Variants in CFAP157 observed in about 807,000 individuals in gnomAD.
The protein encoded by CFAP157 is cilia and flagella associated protein 157.
In CFAP157, 43 loss-of-function variants were observed where a neutral mutation model predicts 57.8. The ratio of observed to expected loss-of-function variants is 0.74; its 90% CI spans 0.58 to 0.96. The LOEUF is 0.96. Among genes scored for constraint, CFAP157 ranks in the 40% least tolerant of loss-of-function variants. The pLI is 0.00. For synonymous variants in CFAP157, 267 were observed against 269.0 expected (o/e 0.99, Z 0.07); for missense variants, 606 against 655.3 (o/e 0.92, Z 0.82).
intron 3 of CFAP157, 98 bp downstream of exon 3, chr9:127,710,852 G>A (rs1842750115): frequency 4.3e-6 from 6 of 1,400,824 alleles, no homozygotes; most frequent in Admixed American, 4.4e-5. Context: ...TGGGGGGTTA[G>A]ATGGGGAAAC....
At position 127,713,815 on chromosome 9, in the gene CFAP157, A is replaced by G. The variant is rs1842828226; in HGVS notation, c.1492-19A>G. 1 of 1,611,212 alleles carries G rather than the reference A, an allele frequency of 6.2e-7. No homozygotes were observed. Among genetic ancestry groups the G allele is most frequent in the Non-Finnish European group, 8.5e-7 (1 of 1,177,754 alleles). On this transcript the variant is annotated intron_variant, in intron 8 of 8. Transcript: ENST00000373295. ...AGCCACTGCACCCGGCCTCCAAGCC[A>G]GCATCTTTAATCTTACAGATGCGTG... is the stretch of plus-strand genomic sequence containing the variant.
intron 6 of CFAP157, 132 bp downstream of exon 6, chr9:127,712,481 CCTT>C: frequency 6.9e-7 from 1 of 1,458,654 alleles, no homozygotes; most frequent in Non-Finnish European, 9.2e-7. Flanking sequence ...GAAAGTCTGT[CCTT>C]CGCTGATTCT....
rs748671791 is a variant in CFAP157 at position 127,713,122 on chromosome 9, C to T, written c.1407C>T (p.Val469=). 4.3e-6 allele frequency: 7 copies of T among 1,612,396 alleles called. No homozygotes were observed. In the African/African-American group the frequency reaches 9.3e-5, roughly 22 times the overall value. ...PGDLGLVPRQ[V]HIPPNPQDLR... ...ATCTAGGCCTGGTACCTCGCCAGGT[C>T]CACATCCCACCCAACCCCCAGGACC... Residue 469 remains valine, a synonymous_variant, in exon 8 of 9, where the codon GTC becomes GTT. Coordinates refer to ENST00000373295, the MANE Select transcript of CFAP157 (RefSeq NM_001012502.3).
intron 8 of CFAP157, 36 bp downstream of exon 8, chr9:127,713,242 G>C (rs773954354): frequency 6.8e-7 from 1 of 1,470,886 alleles, no homozygotes; most frequent in Non-Finnish European, 9.1e-7. Context: ...AAGCAAGGTG[G>C]CAGCTAGTCC....
At position 127,706,989 on chromosome 9, in the gene CFAP157, C is replaced by T; in HGVS notation, c.-43C>T. ...ACGGGACCAGCTTCCTTAGCAACCA[C>T]CTGGCCTCTTCCTGGGGCCTGGAGC... On this transcript the variant is annotated 5_prime_UTR_variant, in exon 1 of 9. Coordinates refer to ENST00000373295, the MANE Select transcript of CFAP157 (RefSeq NM_001012502.3). 1.2e-6 allele frequency: 2 copies of T among 1,606,944 alleles called. No homozygotes were observed. The highest frequency in any genetic ancestry group is 8.5e-7 in the Non-Finnish European group (1 of 1,176,180).
rs1842801654 is a variant in CFAP157, at chr9:127,712,945, G to A, written c.1304+70G>A. 17 of 1,590,008 alleles carry A rather than the reference G, an allele frequency of 1.1e-5. 1 individual carries two copies. In the South Asian group the frequency reaches 1.7e-4, roughly 16 times the overall value. On this transcript the variant is annotated intron_variant, in intron 7 of 8. Coordinates refer to ENST00000373295, the MANE Select transcript of CFAP157 (RefSeq NM_001012502.3). ...CAGGGCAAAGGCATTCAGCCATGGG[G>A]ACAGTGCTCGGCTCACCCTGGGCCA...
rs2131596718 is a variant in CFAP157 at position 127,714,263 on chromosome 9, A to G, written c.*358A>G. 1 of 1,613,800 alleles carries G rather than the reference A, an allele frequency of 6.2e-7. No homozygotes were observed. Among genetic ancestry groups the G allele is most frequent in the South Asian group, 1.1e-5 (1 of 91,074 alleles). ...AGGGTGCGCCGGGCGCCCGATACCC[A>G]CCCGCAGCCTTGGCATTGCCTGTGG... On this transcript the variant is annotated 3_prime_UTR_variant, in exon 9 of 9. Coordinates refer to ENST00000373295, the MANE Select transcript of CFAP157 (RefSeq NM_001012502.3).
chr9:127,713,517 T>C, intron 8 of CFAP157: 1 of 285,808 alleles, frequency 3.5e-6, no homozygotes. Context: ...TTTTTTTTTT[T>C]TTTTTTTGAG....
In CFAP157 at chr9:127,713,860, G is replaced by A; in HGVS notation, c.1518G>A (p.Arg506=). 1 of 1,613,960 alleles carries A rather than the reference G, an allele frequency of 6.2e-7. No homozygotes were observed. Among genetic ancestry groups the A allele is most frequent in the Non-Finnish European group, 8.5e-7 (1 of 1,180,024 alleles). ...PEMRAPGSLK[R]LEKFSLPEVP... ...TGCGTGCCCCTGGTTCTCTAAAAAGGCTTGAAAAGTTTAGTCTTCCTGAAG... is the reference window on the plus strand; with the variant it reads ...TGCGTGCCCCTGGTTCTCTAAAAAGACTTGAAAAGTTTAGTCTTCCTGAAG... Residue 506 remains arginine, a synonymous_variant, in exon 9 of 9, where the codon AGG becomes AGA. Coordinates refer to ENST00000373295, the MANE Select transcript of CFAP157 (RefSeq NM_001012502.3).
rs1466731753 is a variant in CFAP157 at position 127,713,853 on chromosome 9, T to C, written c.1511T>C (p.Leu504Pro). 3 of 1,613,752 alleles carry C rather than the reference T, an allele frequency of 1.9e-6. No homozygotes were observed. The highest frequency in any genetic ancestry group is 2.2e-5 in the East Asian group (1 of 44,886). ...SSPEMRAPGS[L>P]KRLEKFSLPE... ...TTACAGATGCGTGCCCCTGGTTCTC[T>C]AAAAAGGCTTGAAAAGTTTAGTCTT... Residue 504 changes from leucine (L) to proline (P), a missense_variant, in exon 9 of 9, where the codon CTA becomes CCA. Coordinates refer to ENST00000373295, the MANE Select transcript of CFAP157 (RefSeq NM_001012502.3).
At position 127,709,690 on chromosome 9, in the gene CFAP157, C is replaced by T; in HGVS notation, c.430C>T (p.Leu144Phe). Residue 144 changes from leucine (L) to phenylalanine (F), a missense_variant, in exon 2 of 9, where the codon CTT (leucine) becomes TTT (phenylalanine). Leu to Phe is a conservative substitution (Grantham distance 22). Transcript: ENST00000373295. The surrounding 1 kb of genome is among the most constrained non-coding windows in gnomAD (Gnocchi z 4.7). ...CCAGCTCACCACGGAGAACATCATC[C>T]TTGGTGAGGAGGGGACTGGCTGGTG... ...KDQLTTENII[L>F]GGKLAALEEF... 2 of 1,612,572 alleles carry T rather than the reference C, an allele frequency of 1.2e-6. No individual in the cohort carries two copies. Among genetic ancestry groups the T allele is most frequent in the Non-Finnish European group, 1.7e-6 (2 of 1,179,264 alleles).
chr9:127,710,751 A>G lies in CFAP157; in HGVS notation c.584A>G (p.Asp195Gly). The stretch of plus-strand genomic sequence containing the variant: ...GAGAAGAAGTCGGTGCTGGACAAGG[A>G]CAGGTGGGCAAGCGGGGCACCCTTT... Reference protein sequence around the residue: ...NLEKKSVLDKDRLRKEIIQRV... With the variant: ...NLEKKSVLDKGRLRKEIIQRV... The change falls in exon 3 of 9, where the codon GAC (aspartate) becomes GGC (glycine). Residue 195 changes from aspartate to glycine, a missense_variant. By Grantham distance (94) the Asp-to-Gly change is moderately conservative. Transcript: ENST00000373295. The G allele has an allele frequency of 6.4e-7, 1 of 1,563,698 alleles. No homozygotes were observed. Among genetic ancestry groups the G allele is most frequent in the Non-Finnish European group, 8.7e-7 (1 of 1,153,144 alleles).
Position 127,714,958 on chromosome 9 carries a change from T to G in CFAP157, c.*1053T>G. On this transcript the variant is annotated 3_prime_UTR_variant, in exon 9 of 9. Coordinates refer to ENST00000373295, the MANE Select transcript of CFAP157 (RefSeq NM_001012502.3). ...CCCCCTTGGCCCGCCCGCCCACCCC[T>G]GGCGCTCTCAACTCACCAGCCCGGG... The G allele has an allele frequency of 1.3e-5, 1 of 74,964 alleles. No homozygotes were observed. The highest frequency in any genetic ancestry group is 2.4e-5 in the Non-Finnish European group (1 of 41,670). 4.6% of individuals were successfully genotyped at this position (74,964 alleles called of 1,614,324 possible).
chr9:127,712,011 G>A (rs1842777318), intron 5 of CFAP157, 61 bp downstream of exon 5: 2 of 1,554,082 alleles, frequency 1.3e-6, no homozygotes, highest in Non-Finnish European at 1.7e-6. Flanking sequence ...CTCTGGCCCA[G>A]CTCTTTCCGA....
At position 127,707,141 on chromosome 9, in the gene CFAP157, T is replaced by C; in HGVS notation, c.110T>C (p.Met37Thr). Residue 37 changes from methionine to threonine, a missense_variant, in exon 1 of 9, where the codon ATG becomes ACG. Physicochemically the swap from Met to Thr is moderately conservative, Grantham distance 81. Transcript: ENST00000373295. ...VAVEPPLAKE[M>T]KEFYHIQIRD... ...GTGGAGCCGCCTCTGGCCAAGGAGA[T>C]GAAGGAGTTCTACCACATCCAGATC... 6.2e-7 allele frequency: 1 copy of C among 1,613,616 alleles called. No homozygotes were observed. Among genetic ancestry groups the C allele is most frequent in the Non-Finnish European group, 8.5e-7 (1 of 1,179,970 alleles).
chr9:127,712,306 C>G lies in CFAP157; in HGVS notation c.1094C>G (p.Ala365Gly). The change falls in exon 6 of 9, where the codon GCG (alanine) becomes GGG (glycine). Residue 365 changes from alanine (A) to glycine (G), a missense_variant. Coordinates refer to ENST00000373295, the MANE Select transcript of CFAP157 (RefSeq NM_001012502.3). ...NEQKVRASLE[A>G]ALVQATSFLQ... is the part of the protein sequence containing the mutation. ...CAGAAGGTTCGGGCCAGCCTGGAGG[C>G]GGCTCTGGTCCAGGCCACCTCCTTC... The G allele has an allele frequency of 6.2e-7, 1 of 1,614,018 alleles. No individual in the cohort carries two copies. The highest frequency in any genetic ancestry group is 8.5e-7 in the Non-Finnish European group (1 of 1,179,988).
Position 127,711,340 on chromosome 9 carries a change from C to T in CFAP157, c.699C>T (p.Gly233=). Residue 233 remains glycine (G), a synonymous_variant, in exon 4 of 9, where the codon GGC becomes GGT. Coordinates refer to ENST00000373295, the MANE Select transcript of CFAP157 (RefSeq NM_001012502.3). ...TTKRAIKENN[G]ITLQMARVSQ... ...AGCGGGCCATCAAAGAGAACAACGG[C>T]ATTACCCTGCAGATGGCCAGGGTCT... 1 of 1,614,216 alleles carries T rather than the reference C, an allele frequency of 6.2e-7. No homozygotes were observed.
rs752521841 is a variant in CFAP157, at chr9:127,715,547, C to T, written c.*1642C>T. On this transcript the variant is annotated 3_prime_UTR_variant, in exon 9 of 9. Transcript: ENST00000373295. The surrounding 1 kb of genome is among the most constrained non-coding windows in gnomAD (Gnocchi z 5.8). ...GTCGCCGCCCCACGCCACTCACCAT[C>T]CACCGCTTCCCCGGGGGGCGAGGCT... The T allele has an allele frequency of 1.7e-5, 28 of 1,613,390 alleles. No individual in the cohort carries two copies. Among genetic ancestry groups the T allele is most frequent in the Non-Finnish European group, 4.2e-6 (5 of 1,180,038 alleles).
In CFAP157 at chr9:127,715,868, G is replaced by A. The variant is rs776676178; in HGVS notation, c.*1963G>A. Reference sequence around the variant, plus strand: ...CTTCGGGACTTGTGTGGGACGCTCGGAGCTCTTGCTTGACCTTCGGTTGGG... The same window carrying A: ...CTTCGGGACTTGTGTGGGACGCTCGAAGCTCTTGCTTGACCTTCGGTTGGG... On this transcript the variant is annotated 3_prime_UTR_variant, in exon 9 of 9. Transcript: ENST00000373295. This position sits in a 1 kb window ranked among gnomAD's most constrained non-coding sequence, Gnocchi z 5.8. 85 of 894,410 alleles carry A rather than the reference G, an allele frequency of 9.5e-5. 1 individual carries two copies. The highest frequency in any genetic ancestry group is 1.3e-4 in the Non-Finnish European group (79 of 596,458). 55.4% of individuals were successfully genotyped at this position (894,410 alleles called of 1,614,324 possible). A position where few individuals can be genotyped will look rare whatever the true frequency, so the allele number is the denominator to read the frequency against.
Sources: allele counts gnomAD v4.1 joint callset, GRCh38; gene constraint gnomAD v4.1.1; non-coding constraint Gnocchi (gnomAD v3.1); transcripts MANE v1.5; gene names NCBI Gene and HGNC (gene_info 2026-07-23, HGNC 2026-07-21).